ITPK1: variants seen among roughly 807,000 people sequenced by gnomAD.
The protein encoded by ITPK1 is inositol-tetrakisphosphate 1-kinase.
Under a neutral mutation model 45.3 loss-of-function variants are expected in ITPK1, and 21 were observed. The ratio of observed to expected loss-of-function variants is 0.46; its 90% confidence interval spans 0.33 to 0.67. ITPK1 has a LOEUF of 0.67. Ranked by LOEUF, ITPK1 falls within the 30% of genes least tolerant of loss-of-function variation. The probability of loss-of-function intolerance (pLI) is 0.02; values close to 1 mark genes in which losing one functional copy is unlikely to be tolerated. For synonymous variants in ITPK1, 258 were observed against 253.6 expected, an observed-to-expected ratio of 1.02 and a Z score of -0.16; for missense variants, 474 against 573.5, an observed-to-expected ratio of 0.83 and a Z score of 1.77.
At chr14:93,048,845 A>G (rs998905463) in intron 3 of ITPK1, among the ~76,000 whole-genome samples, 3 of 152,198 alleles carry the variant, frequency 2.0e-5, no homozygotes, top group African/African-American at 4.8e-5. Context: ...GCTACTCAGG[A>G]GACTGAGGCA....
At chr14:92,988,252 T>C (rs1032613644) in intron 5 of ITPK1, among the ~76,000 whole-genome samples, 11 of 152,102 alleles carry the variant, frequency 7.2e-5, no homozygotes, top group Non-Finnish European at 1.5e-4. Flanking sequence ...CTGGGCAGGC[T>C]GACACTGGGG....
In ITPK1 at chr14:92,973,743, G is replaced by A. The variant is rs1022295364; in HGVS notation, c.365-10894C>T. Reference sequence around the variant, plus strand: ...CAACTCACAGGCACGTGGGTGGGAGGGCCGCACAGGCCTGAGCCAGGAGGG... The same window carrying A: ...CAACTCACAGGCACGTGGGTGGGAGAGCCGCACAGGCCTGAGCCAGGAGGG... On this transcript the variant is annotated intron_variant, in intron 5 of 10. Coordinates refer to ENST00000267615, the MANE Select transcript of ITPK1 (RefSeq NM_014216.6). Among the ~76,000 whole-genome samples the A allele has an allele frequency of 2.2e-4, 33 of 152,200 alleles. 1 individual carries two copies. The highest frequency in any genetic ancestry group is 1.6e-4 in the Non-Finnish European group (11 of 68,026).
At chr14:93,095,582 T>G (rs867181088) in intron 2 of ITPK1, among the ~76,000 whole-genome samples, 15 of 151,828 alleles carry the variant, frequency 9.9e-5, no homozygotes, top group Admixed American at 6.6e-4. Context: ...AGGTTTTTTT[T>G]TTTTTTTTTT....
At chr14:92,942,813 G>C (rs949195681) in intron 10 of ITPK1, among the ~76,000 whole-genome samples, 1 of 152,242 alleles carries the variant, frequency 6.6e-6, no homozygotes, top group African/African-American at 2.4e-5. Context: ...TGCTCCAAAA[G>C]AGACTCACAC....
intron 3 of ITPK1, chr14:93,072,048 C>T (rs1395620062): frequency 1.3e-5 from 2 of 151,308 alleles, no homozygotes; most frequent in Non-Finnish European, 2.9e-5. Flanking sequence ...AATCCCAGCA[C>T]TTTGGGAGGC....
intron 8 of ITPK1, among the ~76,000 whole-genome samples, chr14:92,954,432 C>A (rs906138637): frequency 4.6e-5 from 7 of 152,180 alleles, no homozygotes; most frequent in African/African-American, 1.7e-4. Context: ...CTCTAACACA[C>A]CAGACCAGGG....
chr14:92,994,905 CCA>C (rs1024948334), intron 4 of ITPK1, among the ~76,000 whole-genome samples: 2 of 152,196 alleles, frequency 1.3e-5, no homozygotes, highest in Non-Finnish European at 2.9e-5. Context: ...AGTTAGGACT[CCA>C]TATGGGTGGA....
Position 93,016,305 on chromosome 14 carries a change from CCAAGTG to C in ITPK1, c.246+365_246+370del. ...CAAAGGCCCTCGGGGGTCCCCTTTA[CCAAGTG>C]CAGCAGAAGGGTTCCATCCCTTGTG... is the stretch of plus-strand genomic sequence containing the variant. On this transcript the variant is annotated intron_variant, in intron 4 of 10. Coordinates refer to ENST00000267615, the MANE Select transcript of ITPK1 (RefSeq NM_014216.6). The surrounding 1 kb of genome is among the most constrained non-coding windows in gnomAD (Gnocchi z 5.0). Among the ~76,000 whole-genome samples the C allele has an allele frequency of 6.6e-6, 1 of 152,294 alleles. No homozygotes were observed. Among genetic ancestry groups the C allele is most frequent in the East Asian group, 1.9e-4 (1 of 5,176 alleles).
At position 93,088,526 on chromosome 14, in the gene ITPK1, T is replaced by C. The variant is rs368675467; in HGVS notation, c.96-11907A>G. Among the ~76,000 whole-genome samples the C allele has an allele frequency of 3.0e-3, 449 of 152,070 alleles. 1 individual carries two copies. Among genetic ancestry groups the C allele is most frequent in the Non-Finnish European group, 4.8e-3 (326 of 67,984 alleles). ...GTGCGCCACCATACTCTGTTAATTTTTGTGTTTTTAGGAGAGACGGGGTTT... is the reference window on the plus strand; with the variant it reads ...GTGCGCCACCATACTCTGTTAATTTCTGTGTTTTTAGGAGAGACGGGGTTT... On this transcript the variant is annotated intron_variant, in intron 2 of 10. Coordinates refer to ENST00000267615, the MANE Select transcript of ITPK1 (RefSeq NM_014216.6).
In ITPK1 at chr14:92,940,640, AG is replaced by A; in HGVS notation, c.*920del. The A allele has an allele frequency of 8.1e-7, 1 of 1,231,836 alleles. No individual in the cohort carries two copies. 76.3% of individuals were successfully genotyped at this position (1,231,836 alleles called of 1,614,324 possible). On this transcript the variant is annotated 3_prime_UTR_variant, in exon 11 of 11. Transcript: ENST00000267615. The stretch of plus-strand genomic sequence containing the variant: ...TCCTCACCTAGGTGACTTTATGGAA[AG>A]GCAGGCTGCATCCCAGGGGTTAGGG...
chr14:92,991,453 C>T (rs867342333), intron 5 of ITPK1, among the ~76,000 whole-genome samples: 33 of 152,044 alleles, frequency 2.2e-4, no homozygotes, highest in Non-Finnish European at 1.5e-5. Context: ...ACCAAGCATG[C>T]GTTAGGGTTT....
chr14:92,948,791 C>A (rs924513476), intron 9 of ITPK1, among the ~76,000 whole-genome samples: 6 of 151,936 alleles, frequency 3.9e-5, no homozygotes, highest in Admixed American at 1.3e-4. Context: ...GACCCACGCC[C>A]GGGCGCCGCC....
intron 5 of ITPK1, among the ~76,000 whole-genome samples, chr14:92,963,891 G>C (rs371140023): frequency 8.1e-4 from 124 of 152,324 alleles, no homozygotes; most frequent in African/African-American, 2.8e-3. Flanking sequence ...CAGGGGCCAG[G>C]AAAGGCTGAG....
chr14:93,080,237 G>A (rs1367258840), intron 2 of ITPK1, among the ~76,000 whole-genome samples: 2 of 152,188 alleles, frequency 1.3e-5, no homozygotes, highest in Admixed American at 6.5e-5. Context: ...ACCTGAGGGC[G>A]CTACAGGAAA....
chr14:92,997,718 T>C (rs1281850506), intron 4 of ITPK1, among the ~76,000 whole-genome samples: 2 of 152,190 alleles, frequency 1.3e-5, no homozygotes, highest in Non-Finnish European at 2.9e-5. Flanking sequence ...TCGCAGGGCC[T>C]GCCAGCTAAA....
intron 2 of ITPK1, among the ~76,000 whole-genome samples, chr14:93,085,563 C>T (rs2139997695): frequency 6.6e-6 from 1 of 152,334 alleles, no homozygotes; most frequent in East Asian, 1.9e-4. Context: ...GAGAGGTCAT[C>T]AGAGCTGCAG....
intron 5 of ITPK1, among the ~76,000 whole-genome samples, chr14:92,993,407 G>A (rs748917626): frequency 1.6e-4 from 24 of 152,320 alleles, no homozygotes; most frequent in East Asian, 3.9e-4. Context: ...CAGGGGAGGC[G>A]CCGCAGTGAA....
intron 3 of ITPK1, among the ~76,000 whole-genome samples, chr14:93,043,689 A>G (rs1184838526): frequency 6.6e-6 from 1 of 152,162 alleles, no homozygotes; most frequent in Non-Finnish European, 1.5e-5. Flanking sequence ...TTACACCACA[A>G]TCTTTAAGCC....
chr14:93,097,783 C>T (rs967190344), intron 2 of ITPK1, among the ~76,000 whole-genome samples: 9 of 152,160 alleles, frequency 5.9e-5, no homozygotes, highest in African/African-American at 1.4e-4. Flanking sequence ...CCAAGGTGGG[C>T]GGATCACTTT....
Sources: gnomAD v4.1 joint callset for allele counts (sites outside exome capture counted in the v4.1 genomes callset) on GRCh38, gnomAD v4.1.1 for gene constraint, Gnocchi (gnomAD v3.1) non-coding constraint, MANE v1.5 for transcripts, NCBI Gene and HGNC (gene_info 2026-07-23, HGNC 2026-07-21) for gene names.